The following SLC4A4 variants were observed in gnomAD, a reference collection of about 807,000 sequenced individuals.
The protein encoded by SLC4A4 is electrogenic sodium bicarbonate cotransporter 1.
Under a neutral mutation model 111.5 loss-of-function variants are expected in SLC4A4, and 27 were observed. That is an observed-to-expected ratio of 0.24 (90% CI 0.18 to 0.33). The LOEUF is 0.33. SLC4A4 is among the 10% of genes least tolerant of loss of function. The probability of loss-of-function intolerance (pLI) is 1.00; values close to 1 mark genes in which losing one functional copy is unlikely to be tolerated. For synonymous variants in SLC4A4, 443 were observed against 463.4 expected (o/e 0.96, Z 0.57); for missense variants, 909 against 1,315.5 (o/e 0.69, Z 4.78).
chr4:71,457,401 T>C (rs1015635758), intron 12 of SLC4A4, among the ~76,000 whole-genome samples: 5 of 152,240 alleles, frequency 3.3e-5, no homozygotes, highest in African/African-American at 1.2e-4. Context: ...ACTTACAGAA[T>C]GGGTATTCAC....
intron 13 of SLC4A4, among the ~76,000 whole-genome samples, chr4:71,467,222 A>G (rs2149100396): frequency 6.6e-6 from 1 of 152,056 alleles, no homozygotes; most frequent in South Asian, 2.1e-4. Context: ...AATGCCTTCT[A>G]TTTCCTGCCA....
intron 3 of SLC4A4, among the ~76,000 whole-genome samples, chr4:71,325,150 G>A (rs978339103): frequency 5.9e-5 from 9 of 151,614 alleles, no homozygotes; most frequent in African/African-American, 2.2e-4. Context: ...GTAAATTGAT[G>A]GTAATTTTCT....
At chr4:71,137,449 C>A (rs1267916538) in intron 2 of SLC4A4, among the ~76,000 whole-genome samples, 2 of 152,214 alleles carry the variant, frequency 1.3e-5, no homozygotes, top group South Asian at 2.1e-4. Flanking sequence ...TCCATCCATT[C>A]ATTAATTAAT....
intron 2 of SLC4A4, among the ~76,000 whole-genome samples, chr4:71,176,937 G>T (rs1745112861): frequency 6.6e-6 from 1 of 152,094 alleles, no homozygotes; most frequent in African/African-American, 2.4e-5. Flanking sequence ...AGAAAGGTCG[G>T]GTTACTCACA....
chr4:71,154,707 C>A (rs1015220502), intron 2 of SLC4A4, among the ~76,000 whole-genome samples: 3 of 151,904 alleles, frequency 2.0e-5, no homozygotes, highest in Non-Finnish European at 2.9e-5. Context: ...AAGTTAGTGA[C>A]AAAGTCAGGA....
intron 6 of SLC4A4, among the ~76,000 whole-genome samples, chr4:71,378,562 A>G (rs1485298849): frequency 1.3e-5 from 2 of 152,190 alleles, no homozygotes; most frequent in Non-Finnish European, 2.9e-5. Flanking sequence ...AGACCAAACA[A>G]TGTCTGGATT....
Position 71,546,332 on chromosome 4 carries a change from T to C in SLC4A4, c.2443-18T>C. 13 of 1,608,088 alleles carry C rather than the reference T, an allele frequency of 8.1e-6. No individual in the cohort carries two copies. Among genetic ancestry groups the C allele is most frequent in the Middle Eastern group, 3.3e-4 (2 of 6,028 alleles). ...TATGAGTCTTTTCTTCACATGGTTT[T>C]GTTATCTCTTTCTACAGAAAGGAGC... On this transcript the variant is annotated intron_variant, in intron 18 of 25. Transcript: ENST00000264485.
At chr4:71,089,177 C>A (rs1381912693) in intron 1 of SLC4A4, among the ~76,000 whole-genome samples, 1 of 152,026 alleles carries the variant, frequency 6.6e-6, no homozygotes, top group Non-Finnish European at 1.5e-5. Context: ...ACCCTTTCTT[C>A]CAGGTGATCG....
chr4:71,307,664 A>G (rs1173215272), intron 3 of SLC4A4, among the ~76,000 whole-genome samples: 1 of 152,196 alleles, frequency 6.6e-6, no homozygotes, highest in Non-Finnish European at 1.5e-5. Context: ...AGTATGGGTG[A>G]AAATAAGGTA....
At chr4:71,374,387 AG>A (rs951007089) in intron 6 of SLC4A4, among the ~76,000 whole-genome samples, 20 of 152,210 alleles carry the variant, frequency 1.3e-4, no homozygotes, top group African/African-American at 4.8e-4. Context: ...AATTTTCAAA[AG>A]ATTGTAAGAA....
intron 1 of SLC4A4, among the ~76,000 whole-genome samples, chr4:71,076,981 C>T (rs1721776962): frequency 6.6e-6 from 1 of 150,550 alleles, no homozygotes; most frequent in East Asian, 1.9e-4. Context: ...AAGTGAGACC[C>T]TGTCTCAAAA....
intron 2 of SLC4A4, among the ~76,000 whole-genome samples, chr4:71,153,482 T>C (rs554963809): frequency 1.3e-5 from 2 of 152,262 alleles, no homozygotes; most frequent in South Asian, 4.1e-4. Context: ...AACCCAGCTC[T>C]CCTCCTGTTA....
At position 71,479,488 on chromosome 4, in the gene SLC4A4, T is replaced by C. The variant is rs368856969; in HGVS notation, c.1903+6518T>C. ...GAACTGCTGGATTGCATCCCCTGTGTTCCCATATTATAGTCAATATGTGTT... is the reference window on the plus strand; with the variant it reads ...GAACTGCTGGATTGCATCCCCTGTGCTCCCATATTATAGTCAATATGTGTT... On this transcript the variant is annotated intron_variant, in intron 14 of 25. Transcript: ENST00000264485. Among the ~76,000 whole-genome samples, 7 of 151,902 alleles carry C rather than the reference T, an allele frequency of 4.6e-5. No homozygotes were observed. In the East Asian group the frequency reaches 1.4e-3, roughly 30 times the overall value.
chr4:71,548,467 C>A (rs1339003859), intron 20 of SLC4A4, among the ~76,000 whole-genome samples: 1 of 151,806 alleles, frequency 6.6e-6, no homozygotes, highest in African/African-American at 2.4e-5. Context: ...GTGTATACCT[C>A]TTCATGAAGT....
chr4:71,469,837 C>T (rs1727702417), intron 13 of SLC4A4, among the ~76,000 whole-genome samples: 1 of 151,916 alleles, frequency 6.6e-6, no homozygotes, highest in South Asian at 2.1e-4. Context: ...TCTTTTAAAG[C>T]AGCTAGTTTA....
At chr4:71,170,952 G>A (rs1744916809) in intron 2 of SLC4A4, among the ~76,000 whole-genome samples, 2 of 152,164 alleles carry the variant, frequency 1.3e-5, no homozygotes, top group Non-Finnish European at 2.9e-5. Flanking sequence ...GCAAGGGACT[G>A]GGACCAAGAA....
At chr4:71,444,338 A>G (rs1725034170) in intron 8 of SLC4A4, among the ~76,000 whole-genome samples, 1 of 152,228 alleles carries the variant, frequency 6.6e-6, no homozygotes, top group East Asian at 1.9e-4. Context: ...TAACTATATG[A>G]AAAAACTCAG....
intron 18 of SLC4A4, among the ~76,000 whole-genome samples, chr4:71,537,995 C>G (rs891847231): frequency 6.6e-6 from 1 of 152,014 alleles, no homozygotes; most frequent in African/African-American, 2.4e-5. Context: ...GCCATAGTTT[C>G]TAAAATATAT....
intron 3 of SLC4A4, among the ~76,000 whole-genome samples, chr4:71,288,647 C>G (rs547766907): frequency 7.9e-4 from 121 of 152,214 alleles, no homozygotes; most frequent in Non-Finnish European, 1.5e-3. Context: ...GATCCACCCC[C>G]CTTGGCCTCC....
Sources: allele counts gnomAD v4.1 joint callset (sites outside exome capture counted in the v4.1 genomes callset), GRCh38; gene constraint gnomAD v4.1.1; transcripts MANE v1.5; gene names NCBI Gene and HGNC (gene_info 2026-07-23, HGNC 2026-07-21).